SHISA6: variants seen among roughly 807,000 people sequenced by gnomAD.
SHISA6 encodes shisa family member 6.
In SHISA6, 22 loss-of-function variants were observed where a neutral mutation model predicts 47.9. The observed-to-expected ratio is 0.46, with a 90% CI of 0.33 to 0.66. The LOEUF is 0.66. Among genes scored for constraint, SHISA6 ranks in the 30% least tolerant of loss-of-function variants. The pLI is 0.02. For missense variants in SHISA6, 680 were observed against 764.6 expected, an observed-to-expected ratio of 0.89 and a Z score of 1.30; for synonymous variants, 388 against 337.8, an observed-to-expected ratio of 1.15 and a Z score of -1.63.
rs180688645 is a variant in SHISA6, at chr17:11,265,325, C to T, written c.799+1799C>T. Among the ~76,000 whole-genome samples the T allele has an allele frequency of 2.2e-3, 330 of 152,194 alleles. 4 individuals carry two copies. The highest frequency in any genetic ancestry group is 7.5e-3 in the African/African-American group (313 of 41,510). On this transcript the variant is annotated intron_variant, in intron 2 of 5. Transcript: ENST00000441885. Reference sequence around the variant, plus strand: ...AAACCTAAGCCCAATGGTTCTTAAACTTGGCTGCACATTGGAATCAACTGG... The same window carrying T: ...AAACCTAAGCCCAATGGTTCTTAAATTTGGCTGCACATTGGAATCAACTGG...
In SHISA6 at chr17:11,316,329, CT is replaced by C. The variant is rs66540376; in HGVS notation, c.799+52820del. On this transcript the variant is annotated intron_variant, in intron 2 of 5. Transcript: ENST00000441885. ...CAAGGTTTGGGTTTGATTTTCAGGTCTTTTTTTTTTTTTTTTTGTATTCAAT... is the reference window on the plus strand; with the variant it reads ...CAAGGTTTGGGTTTGATTTTCAGGTCTTTTTTTTTTTTTTTTGTATTCAAT... Among the ~76,000 whole-genome samples, 156 of 103,658 alleles carry C rather than the reference CT, an allele frequency of 1.5e-3. 1 individual carries two copies. The highest frequency in any genetic ancestry group is 4.8e-3 in the South Asian group (14 of 2,908). The allele number at this position is 103,658 out of a possible 152,430, so 68.0% of individuals were successfully genotyped here.
At chr17:11,304,087 C>T (rs1015174824) in intron 2 of SHISA6, among the ~76,000 whole-genome samples, 1 of 152,172 alleles carries the variant, frequency 6.6e-6, no homozygotes, top group African/African-American at 2.4e-5. Context: ...AAGCCCTTTC[C>T]TGGGAAGCTT....
chr17:11,338,409 G>A (rs1911398716), intron 2 of SHISA6, among the ~76,000 whole-genome samples: 1 of 151,930 alleles, frequency 6.6e-6, no homozygotes, highest in South Asian at 2.1e-4. Context: ...TTTTTTGTTT[G>A]TTTGTTTTTT....
chr17:11,440,186 G>A (rs1915058265), intron 3 of SHISA6, among the ~76,000 whole-genome samples: 1 of 152,190 alleles, frequency 6.6e-6, no homozygotes, highest in African/African-American at 2.4e-5. Flanking sequence ...GGTATTTCCT[G>A]TCTGTTAGAG....
At chr17:11,369,715 G>A (rs1391107819) in intron 2 of SHISA6, among the ~76,000 whole-genome samples, 1 of 152,198 alleles carries the variant, frequency 6.6e-6, no homozygotes, top group Non-Finnish European at 1.5e-5. Context: ...TCTTTTCAGG[G>A]TTTGTCTTGG....
chr17:11,363,541 T>C lies in SHISA6; in HGVS notation c.800-15873T>C, dbSNP rs149644918. Among the ~76,000 whole-genome samples the C allele has an allele frequency of 2.1e-4, 32 of 152,346 alleles. No homozygotes were observed. The East Asian group carries it at 6.2e-3, about 29-fold the overall frequency. On this transcript the variant is annotated intron_variant, in intron 2 of 5. Coordinates refer to ENST00000441885, the MANE Select transcript of SHISA6 (RefSeq NM_207386.4). Reference sequence around the variant, plus strand: ...GCGGTCTCTGGATTATAAACCTAATTGAGTGCAAGCATTTAAAGAAATAAG... The same window carrying C: ...GCGGTCTCTGGATTATAAACCTAATCGAGTGCAAGCATTTAAAGAAATAAG...
intron 3 of SHISA6, among the ~76,000 whole-genome samples, chr17:11,503,636 C>T (rs1187438168): frequency 2.0e-5 from 3 of 152,206 alleles, no homozygotes; most frequent in Non-Finnish European, 4.4e-5. Context: ...TTCTGAAAAG[C>T]TCTTGGAGGT....
At chr17:11,459,890 G>A (rs146228922) in intron 3 of SHISA6, among the ~76,000 whole-genome samples, 1 of 152,316 alleles carries the variant, frequency 6.6e-6, no homozygotes, top group African/African-American at 2.4e-5. Context: ...GAGAGCCCCA[G>A]CTGTTTAATA....
intron 3 of SHISA6, among the ~76,000 whole-genome samples, chr17:11,490,646 A>G (rs1916452413): frequency 6.6e-6 from 1 of 152,114 alleles, no homozygotes; most frequent in Admixed American, 6.5e-5. Context: ...ATCCATATTC[A>G]CTGCAGGAAG....
intron 2 of SHISA6, among the ~76,000 whole-genome samples, chr17:11,372,277 A>G (rs1216989444): frequency 1.3e-5 from 2 of 152,292 alleles, no homozygotes; most frequent in African/African-American, 4.8e-5. Flanking sequence ...GAGGGCATGT[A>G]TGTAAGGTAA....
chr17:11,269,535 C>A (rs1908563224), intron 2 of SHISA6, among the ~76,000 whole-genome samples: 1 of 152,172 alleles, frequency 6.6e-6, no homozygotes, highest in African/African-American at 2.4e-5. Context: ...CCCAGGCAAC[C>A]CAGAGAGTCC....
chr17:11,333,566 G>T (rs139571692), intron 2 of SHISA6, among the ~76,000 whole-genome samples: 1,598 of 152,142 alleles, frequency 0.011, 10 homozygotes, highest in Middle Eastern at 0.017. Flanking sequence ...CCAGGCTGGA[G>T]TGCAGTGGTG....
chr17:11,249,324 G>A (rs1385391205), intron 1 of SHISA6, among the ~76,000 whole-genome samples: 2 of 151,902 alleles, frequency 1.3e-5, no homozygotes, highest in African/African-American at 2.4e-5. Flanking sequence ...GGACGTGTGT[G>A]TGCGTGTGTA....
At chr17:11,242,254 G>T (rs1383162150) in intron 1 of SHISA6, among the ~76,000 whole-genome samples, 194 bp downstream of exon 1, 1 of 152,228 alleles carries the variant, frequency 6.6e-6, no homozygotes, top group Non-Finnish European at 1.5e-5. Flanking sequence ...AACCGGGAAT[G>T]CATGCTTTGG....
chr17:11,284,962 C>T (rs1458445202), intron 2 of SHISA6, among the ~76,000 whole-genome samples: 1 of 152,202 alleles, frequency 6.6e-6, no homozygotes, highest in African/African-American at 2.4e-5. Flanking sequence ...GGTTTCTTAA[C>T]TGAGCCCTCT....
At chr17:11,426,082 C>T (rs1251905823) in intron 3 of SHISA6, among the ~76,000 whole-genome samples, 1 of 152,086 alleles carries the variant, frequency 6.6e-6, no homozygotes, top group East Asian at 1.9e-4. Context: ...GAAGTGATTA[C>T]CAGAAAAAGG....
chr17:11,538,064 ATTG>A (rs1387422810), intron 3 of SHISA6, among the ~76,000 whole-genome samples: 1 of 151,952 alleles, frequency 6.6e-6, no homozygotes, highest in Non-Finnish European at 1.5e-5. Context: ...TGTTGTTGTT[ATTG>A]TTGTTGTTTT....
chr17:11,484,917 A>G (rs1053480562), intron 3 of SHISA6, among the ~76,000 whole-genome samples: 2 of 152,218 alleles, frequency 1.3e-5, no homozygotes, highest in African/African-American at 2.4e-5. Context: ...GCTACAAAAC[A>G]TCACCAAAGT....
intron 3 of SHISA6, among the ~76,000 whole-genome samples, chr17:11,460,003 T>A (rs17699528): frequency 6.6e-6 from 1 of 152,022 alleles, no homozygotes; most frequent in Non-Finnish European, 1.5e-5. Context: ...AGACAAATGG[T>A]TGCAGAGTGG....
Sources: allele counts gnomAD v4.1 joint callset (sites outside exome capture counted in the v4.1 genomes callset), GRCh38; gene constraint gnomAD v4.1.1; transcripts MANE v1.5; gene names NCBI Gene and HGNC (gene_info 2026-07-23, HGNC 2026-07-21).